Variants in ZNF215 observed in about 807,000 individuals in gnomAD.
ZNF215 encodes the protein zinc finger protein 215, also known as BWSCR2-associated zinc finger protein 2.
A neutral mutation model predicts 27.2 loss-of-function variants in ZNF215; 24 were observed. The ratio of observed to expected loss-of-function variants is 0.88; its 90% CI spans 0.64 to 1.24. ZNF215 has a LOEUF of 1.24. Among genes scored for constraint, ZNF215 ranks in the 50% most tolerant of loss-of-function variants. The pLI, the probability that ZNF215 is intolerant of heterozygous loss-of-function variation, is 0.00. For synonymous variants in ZNF215, 210 were observed against 204.0 expected (o/e 1.03, Z -0.25); for missense variants, 675 against 605.7 (o/e 1.11, Z -1.20).
At chr11:6,993,921 T>C (rs1435420898), downstream of ZNF215, among the ~76,000 whole-genome samples, 1 of 152,184 alleles carries the variant, frequency 6.6e-6, no homozygotes, top group Non-Finnish European at 1.5e-5. Flanking sequence ...CCATACCTTC[T>C]TGTTTTAGCT....
chr11:6,938,921 T>A (rs1849535501), intron 3 of ZNF215, among the ~76,000 whole-genome samples: 2 of 152,150 alleles, frequency 1.3e-5, no homozygotes, highest in Admixed American at 1.3e-4. Flanking sequence ...TTTTTAAACT[T>A]AAATTCTAAG....
Position 6,956,054 on chromosome 11 carries a change from T to C in ZNF215, c.1077T>C (p.Asn359=). 2.5e-6 allele frequency: 4 copies of C among 1,609,572 alleles called. No individual in the cohort carries two copies. Among genetic ancestry groups the C allele is most frequent in the Non-Finnish European group, 3.4e-6 (4 of 1,178,524 alleles). Residue 359 remains asparagine (N), a synonymous_variant, in exon 7 of 7, where the codon AAT becomes AAC. Transcript: ENST00000278319. ...GKQHSEYEYG[N]DLSLSTDIRH... is the part of the protein sequence containing the mutation. The stretch of plus-strand genomic sequence containing the variant: ...AACATTCAGAATATGAATATGGGAA[T>C]GACTTGAGTTTGAGTACAGATATTC...
chr11:6,948,376 C>A (rs1849902121), intron 6 of ZNF215, among the ~76,000 whole-genome samples: 1 of 152,188 alleles, frequency 6.6e-6, no homozygotes, highest in Non-Finnish European at 1.5e-5. Context: ...CCCACACACC[C>A]AGTGTACACT....
intron 5 of ZNF215, 41 bp downstream of exon 5, chr11:6,943,256 C>T (rs1487355446): frequency 6.3e-7 from 1 of 1,576,730 alleles, no homozygotes; most frequent in Non-Finnish European, 8.6e-7. Context: ...ATTTAGTAAT[C>T]TCTTCCTACC....
chr11:6,962,576 G>C (rs1156484361), downstream of ZNF215, among the ~76,000 whole-genome samples: 2 of 152,108 alleles, frequency 1.3e-5, no homozygotes, highest in African/African-American at 4.8e-5. Context: ...GCAAGTGGAA[G>C]TGTATTTTTT....
chr11:6,932,089 T>G lies in ZNF215; in HGVS notation c.-179-5T>G, dbSNP rs1425463434. ...CCCTGTGGGTTAATTTCTATCTTTT[T>G]TCAGTTGCTCAGGTACCTGAATATT... is the stretch of plus-strand genomic sequence containing the variant. On this transcript the variant is annotated splice_polypyrimidine_tract_variant and splice_region_variant and intron_variant, in intron 2 of 6. Transcript: ENST00000278319. The G allele has an allele frequency of 1.5e-5, 9 of 599,514 alleles. No homozygotes were observed. Among genetic ancestry groups the G allele is most frequent in the Admixed American group, 3.2e-5 (1 of 31,156 alleles). 37.1% of individuals were successfully genotyped at this position (599,514 alleles called of 1,614,324 possible).
rs536240362 is a variant in ZNF215 at position 6,954,947 on chromosome 11, A to G, written c.713-743A>G. Reference sequence around the variant, plus strand: ...AGTATACAGAGTATATAGAAGCTAAATGAGAGGAATTTTGAGAAAGGAAGT... The same window carrying G: ...AGTATACAGAGTATATAGAAGCTAAGTGAGAGGAATTTTGAGAAAGGAAGT... On this transcript the variant is annotated intron_variant, in intron 6 of 6. Transcript: ENST00000278319. Among the ~76,000 whole-genome samples the G allele has an allele frequency of 2.2e-3, 336 of 152,346 alleles. 1 individual carries two copies. Among genetic ancestry groups the G allele is most frequent in the African/African-American group, 7.6e-3 (318 of 41,578 alleles).
chr11:6,975,959 C>G (rs1590085776), intron 5 of ZNF215, among the ~76,000 whole-genome samples: 1 of 152,072 alleles, frequency 6.6e-6, no homozygotes, highest in African/African-American at 2.4e-5. Flanking sequence ...AATTTACATT[C>G]CCATCAACAG....
At chr11:6,985,973 A>T (rs1851049304), downstream of ZNF215, among the ~76,000 whole-genome samples, 1 of 152,208 alleles carries the variant, frequency 6.6e-6, no homozygotes, top group South Asian at 2.1e-4. Context: ...TCACAATTCA[A>T]CACTATTCCT....
intron 5 of ZNF215, among the ~76,000 whole-genome samples, chr11:6,974,031 T>G (rs10742996): frequency 0.65 from 99,017 of 151,932 alleles, 32,306 homozygotes; most frequent in South Asian, 0.79. Context: ...GTTTTAGGTC[T>G]AATATTTAAG....
intron 6 of ZNF215, among the ~76,000 whole-genome samples, chr11:6,947,793 G>A (rs923122995): frequency 1.3e-5 from 2 of 152,058 alleles, no homozygotes; most frequent in South Asian, 2.1e-4. Flanking sequence ...TGTTCCATAC[G>A]ATGTTAGCTG....
At chr11:6,934,946 A>G (rs1479680643) in intron 3 of ZNF215, among the ~76,000 whole-genome samples, 7 of 152,200 alleles carry the variant, frequency 4.6e-5, no homozygotes, top group African/African-American at 1.7e-4. Context: ...GTTGCAGGGT[A>G]ATACAGAACT....
downstream of ZNF215, among the ~76,000 whole-genome samples, chr11:6,960,441 C>CATAACTCAGCCTGTG (rs1850494103): frequency 2.0e-5 from 3 of 152,134 alleles, no homozygotes; most frequent in Non-Finnish European, 2.9e-5. Context: ...GAAAGGAGCT[C>CATAACTCAGCCTGTG]CATAACTCAG....
chr11:6,944,008 G>A (rs1849727879), intron 6 of ZNF215, among the ~76,000 whole-genome samples: 2 of 152,204 alleles, frequency 1.3e-5, no homozygotes. Flanking sequence ...GGGCGTGGTG[G>A]CTCACGCCTG....
At chr11:6,983,548 A>G (rs187689105) in intron 5 of ZNF215, among the ~76,000 whole-genome samples, 5 of 152,176 alleles carry the variant, frequency 3.3e-5, no homozygotes, top group African/African-American at 1.2e-4. Flanking sequence ...CACATCAAAA[A>G]GTTTACTTTT....
At chr11:6,951,482 A>G (rs1392603731) in intron 6 of ZNF215, among the ~76,000 whole-genome samples, 1 of 152,178 alleles carries the variant, frequency 6.6e-6, no homozygotes, top group Non-Finnish European at 1.5e-5. Flanking sequence ...GTGTCGAGGA[A>G]TTTATCCATT....
intron 5 of ZNF215, among the ~76,000 whole-genome samples, chr11:6,966,426 AAC>A (rs1393333427): frequency 1.3e-5 from 2 of 152,086 alleles, no homozygotes; most frequent in African/African-American, 4.8e-5. Context: ...AAACCCTAGT[AAC>A]ACACAATTTA....
intron 5 of ZNF215, among the ~76,000 whole-genome samples, chr11:6,971,319 C>T (rs902028911): frequency 3.9e-5 from 6 of 152,132 alleles, no homozygotes; most frequent in South Asian, 4.1e-4. Flanking sequence ...AATCATATCT[C>T]GTTCTATGAG....
At chr11:6,978,140 C>G (rs190467997) in intron 5 of ZNF215, among the ~76,000 whole-genome samples, 29 of 152,078 alleles carry the variant, frequency 1.9e-4, no homozygotes, top group Non-Finnish European at 3.5e-4. Context: ...GTAGGTAAAA[C>G]AGTGTTCAGT....
Sources: gnomAD v4.1 joint callset for allele counts (sites outside exome capture counted in the v4.1 genomes callset) on GRCh38, gnomAD v4.1.1 for gene constraint, MANE v1.5 for transcripts, NCBI Gene and HGNC (gene_info 2026-07-23, HGNC 2026-07-21) for gene names.